Variants in LIN52 observed in about 807,000 individuals in gnomAD.
LIN52 encodes the protein protein lin-52 homolog.
A neutral mutation model predicts 18.5 loss-of-function variants in LIN52; 4 were observed. That is an observed-to-expected ratio of 0.22 (90% CI 0.11 to 0.49). The LOEUF (loss-of-function observed/expected upper bound fraction) is 0.49, where lower values mean the gene tolerates loss of function less well. Among genes scored for constraint, LIN52 ranks in the 20% least tolerant of loss-of-function variants. The pLI, the probability that LIN52 is intolerant of heterozygous loss-of-function variation, is 0.97. For synonymous variants in LIN52, 34 were observed against 45.5 expected (o/e 0.75, Z 1.02); for missense variants, 102 against 139.5 (o/e 0.73, Z 1.35).
intron 5 of LIN52, among the ~76,000 whole-genome samples, chr14:74,123,654 T>C (rs1222692677): frequency 6.6e-6 from 1 of 152,176 alleles, no homozygotes; most frequent in Non-Finnish European, 1.5e-5. Flanking sequence ...AGGCACCCTC[T>C]AAGACGGTCC....
intron 5 of LIN52, among the ~76,000 whole-genome samples, chr14:74,102,257 T>C (rs2060863429): frequency 6.6e-6 from 1 of 152,166 alleles, no homozygotes. Flanking sequence ...ACAAGAAAAT[T>C]AATTTAAAAT....
At chr14:74,086,997 T>C (rs938012819) in intron 1 of LIN52, among the ~76,000 whole-genome samples, 2 of 152,234 alleles carry the variant, frequency 1.3e-5, no homozygotes, top group African/African-American at 4.8e-5. Flanking sequence ...ATTAAACTTT[T>C]TAGTTTATTT....
chr14:74,120,046 G>A (rs1428000254), intron 5 of LIN52, among the ~76,000 whole-genome samples: 1 of 151,702 alleles, frequency 6.6e-6, no homozygotes, highest in Non-Finnish European at 1.5e-5. Context: ...ATGTTGGCCA[G>A]GCTGGTCTCA....
intron 5 of LIN52, among the ~76,000 whole-genome samples, chr14:74,106,758 T>G (rs1455359910): frequency 6.6e-6 from 1 of 152,060 alleles, no homozygotes; most frequent in Non-Finnish European, 1.5e-5. Flanking sequence ...GCCCAGCGTT[T>G]TAAAAATATT....
At chr14:74,095,546 C>T (rs931269588) in intron 2 of LIN52, among the ~76,000 whole-genome samples, 2 of 152,014 alleles carry the variant, frequency 1.3e-5, no homozygotes, top group Non-Finnish European at 2.9e-5. Context: ...TTTTATTTTT[C>T]TGCATTTTAA....
chr14:74,188,564 C>T (rs544283815), intron 5 of LIN52, among the ~76,000 whole-genome samples: 4 of 151,998 alleles, frequency 2.6e-5, no homozygotes, highest in Non-Finnish European at 5.9e-5. Context: ...CCCCGTTTCC[C>T]CCCACACTCA....
chr14:74,133,169 AAGTT>A (rs959068811), intron 5 of LIN52, among the ~76,000 whole-genome samples: 4 of 152,210 alleles, frequency 2.6e-5, no homozygotes, highest in Admixed American at 1.3e-4. Flanking sequence ...AGTTATGTAG[AAGTT>A]AGTTGGTAAA....
chr14:74,182,304 G>A (rs1010680779), intron 5 of LIN52, among the ~76,000 whole-genome samples: 24 of 152,116 alleles, frequency 1.6e-4, no homozygotes, highest in Non-Finnish European at 7.4e-5. Context: ...GAGCTACTGC[G>A]CCTGACCTTT....
At chr14:74,128,850 A>G (rs2061043504) in intron 5 of LIN52, among the ~76,000 whole-genome samples, 1 of 152,160 alleles carries the variant, frequency 6.6e-6, no homozygotes, top group South Asian at 2.1e-4. Flanking sequence ...AGGCTGAGGC[A>G]TGAGAATCTT....
In LIN52 at chr14:74,095,976, C is replaced by T; in HGVS notation, c.123C>T (p.Ser41=). 1.2e-6 allele frequency: 2 copies of T among 1,608,550 alleles called. No homozygotes were observed. The highest frequency in any genetic ancestry group is 1.7e-6 in the Non-Finnish European group (2 of 1,177,076). ...QLPGVAEFAA[S]FKSPITSSPP... ...CAGGTGTTGCTGAATTTGCAGCTTC[C>T]TTCAAAAGTGTAAGTAATATCCCTT... is the stretch of plus-strand genomic sequence containing the variant. The change falls in exon 3 of 6, where the codon TCC becomes TCT. Residue 41 remains serine (S), a synonymous_variant. Transcript: ENST00000555028.
intron 1 of LIN52, among the ~76,000 whole-genome samples, chr14:74,086,843 C>T (rs1019268574): frequency 1.3e-5 from 2 of 151,628 alleles, no homozygotes. Flanking sequence ...TGAAAGAATT[C>T]TGGAAATGAA....
At chr14:74,095,169 T>TTTTG in intron 2 of LIN52, among the ~76,000 whole-genome samples, 3 of 149,634 alleles carry the variant, frequency 2.0e-5, no homozygotes, top group Non-Finnish European at 3.0e-5. Context: ...TTTTTTTTTT[T>TTTTG]GAGACAGGGT....
At chr14:74,176,801 C>A (rs1446948440) in intron 5 of LIN52, among the ~76,000 whole-genome samples, 2 of 152,162 alleles carry the variant, frequency 1.3e-5, no homozygotes, top group African/African-American at 4.8e-5. Flanking sequence ...ATTTCTATCA[C>A]CCCAAAAGAA....
At chr14:74,103,586 C>T (rs932811957) in intron 5 of LIN52, among the ~76,000 whole-genome samples, 2 of 151,356 alleles carry the variant, frequency 1.3e-5, no homozygotes, top group African/African-American at 4.9e-5. Flanking sequence ...GCATGTGCCA[C>T]CAGGCCCAGC....
intron 5 of LIN52, among the ~76,000 whole-genome samples, chr14:74,168,948 G>A (rs113115926): frequency 0.14 from 20,900 of 152,078 alleles, 2,014 homozygotes; most frequent in East Asian, 0.57. Context: ...CAGCTACTTG[G>A]GAGGCTGAGG....
intron 5 of LIN52, among the ~76,000 whole-genome samples, chr14:74,117,582 T>C (rs1441140260): frequency 6.6e-6 from 1 of 152,194 alleles, no homozygotes; most frequent in African/African-American, 2.4e-5. Flanking sequence ...TTCCAGGCTT[T>C]GGGTTTAAGA....
At chr14:74,146,653 G>C (rs2061153499) in intron 5 of LIN52, among the ~76,000 whole-genome samples, 1 of 152,064 alleles carries the variant, frequency 6.6e-6, no homozygotes, top group Non-Finnish European at 1.5e-5. Flanking sequence ...ATAAAGTACA[G>C]AAAAATCAAC....
chr14:74,092,369 A>G (rs2060778751), intron 2 of LIN52, among the ~76,000 whole-genome samples: 1 of 149,532 alleles, frequency 6.7e-6, no homozygotes, highest in African/African-American at 2.5e-5. Context: ...GCAATTGCTC[A>G]GTGTTGGCTC....
chr14:74,168,088 A>C (rs1025263990), intron 5 of LIN52, among the ~76,000 whole-genome samples: 7 of 152,260 alleles, frequency 4.6e-5, no homozygotes, highest in African/African-American at 1.4e-4. Flanking sequence ...GCTCAGGCAG[A>C]GCTCTGCAAT....
Sources: allele counts gnomAD v4.1 joint callset (sites outside exome capture counted in the v4.1 genomes callset), GRCh38; gene constraint gnomAD v4.1.1; transcripts MANE v1.5; gene names NCBI Gene and HGNC (gene_info 2026-07-23, HGNC 2026-07-21).